The following POC1A variants were observed in gnomAD, a reference collection of about 807,000 sequenced individuals.
POC1A encodes POC1 centriolar protein homolog A.
Under a neutral mutation model 47.8 loss-of-function variants are expected in POC1A, and 34 were observed. The ratio of observed to expected loss-of-function variants is 0.71; its 90% CI spans 0.54 to 0.95. The LOEUF (loss-of-function observed/expected upper bound fraction) is 0.95. Among genes scored for constraint, POC1A ranks in the 40% least tolerant of loss-of-function variants. The pLI, the probability that POC1A is intolerant of heterozygous loss-of-function variation, is 0.00. For missense variants in POC1A, 466 were observed against 528.3 expected, an observed-to-expected ratio of 0.88 and a Z score of 1.16; for synonymous variants, 177 against 207.6, an observed-to-expected ratio of 0.85 and a Z score of 1.27.
intron 10 of POC1A, among the ~76,000 whole-genome samples, chr3:52,096,352 G>C (rs1441230835): frequency 1.3e-5 from 2 of 152,256 alleles, no homozygotes; most frequent in Non-Finnish European, 2.9e-5. Context: ...ACCCAGCATT[G>C]GGGATTTTGG....
chr3:52,106,021 C>T (rs1478550931), intron 9 of POC1A, among the ~76,000 whole-genome samples: 1 of 151,856 alleles, frequency 6.6e-6, no homozygotes, highest in African/African-American at 2.4e-5. Flanking sequence ...GGTGAAACCC[C>T]GTTTCTACTA....
At chr3:52,097,562 T>TA (rs1469122659) in intron 9 of POC1A, among the ~76,000 whole-genome samples, 2 of 152,208 alleles carry the variant, frequency 1.3e-5, no homozygotes, top group African/African-American at 2.4e-5. Flanking sequence ...GGGCTGGTCT[T>TA]AGAGCCTGCA....
intron 6 of POC1A, among the ~76,000 whole-genome samples, chr3:52,141,665 G>A (rs1185803170): frequency 6.6e-6 from 1 of 152,222 alleles, no homozygotes; most frequent in East Asian, 1.9e-4. Flanking sequence ...CCAGTACAGG[G>A]TACAGGCCTG....
chr3:52,083,601 C>G (rs1702368567), intron 10 of POC1A, among the ~76,000 whole-genome samples: 1 of 152,190 alleles, frequency 6.6e-6, no homozygotes, highest in African/African-American at 2.4e-5. Flanking sequence ...CTTAGCTTTT[C>G]TCCCAGTTCT....
At chr3:52,097,826 T>G (rs902124197) in intron 9 of POC1A, among the ~76,000 whole-genome samples, 1 of 152,250 alleles carries the variant, frequency 6.6e-6, no homozygotes, top group Non-Finnish European at 1.5e-5. Context: ...TGTCGGCCAC[T>G]TCCGTGGCCA....
intron 9 of POC1A, among the ~76,000 whole-genome samples, chr3:52,112,141 C>A (rs191442638): frequency 6.6e-6 from 1 of 152,188 alleles, no homozygotes; most frequent in African/African-American, 2.4e-5. Context: ...CGGGGCAGCA[C>A]TGGACTTTCT....
At chr3:52,115,633 C>T (rs9882775) in intron 9 of POC1A, among the ~76,000 whole-genome samples, 14,504 of 152,022 alleles carry the variant, frequency 0.095, 832 homozygotes, top group African/African-American at 0.14. Flanking sequence ...TGGGTGGAGC[C>T]ATCAGGTTTG....
intron 8 of POC1A, among the ~76,000 whole-genome samples, chr3:52,124,246 G>A (rs1703908950): frequency 6.6e-6 from 1 of 152,190 alleles, no homozygotes; most frequent in Non-Finnish European, 1.5e-5. Flanking sequence ...TGGTTCTCTG[G>A]ACAAGAGGAC....
Position 52,122,452 on chromosome 3 carries a change from T to A in POC1A, c.908A>T (p.Asp303Val). ...EQVMVWKSNF[D>V]IVDHGEVTKV... ...CGTGACTTCTCCATGATCAACAATA[T>A]CAAAGTTACTCTTCCAAACCATCAC... The change falls in exon 9 of 11, where the codon GAT becomes GTT. Residue 303 changes from aspartate (D) to valine (V), a missense_variant. Asp to Val is a radical substitution (Grantham distance 152). Coordinates refer to ENST00000296484, the MANE Select transcript of POC1A (RefSeq NM_015426.5). The A allele has an allele frequency of 6.2e-7, 1 of 1,611,628 alleles. No homozygotes were observed. Among genetic ancestry groups the A allele is most frequent in the Non-Finnish European group, 8.5e-7 (1 of 1,177,828 alleles).
chr3:52,132,194 G>A (rs1295872856), intron 7 of POC1A, among the ~76,000 whole-genome samples: 1 of 152,152 alleles, frequency 6.6e-6, no homozygotes, highest in Non-Finnish European at 1.5e-5. Flanking sequence ...GCAAAGTCAA[G>A]GTCTTGCCCA....
intron 6 of POC1A, among the ~76,000 whole-genome samples, chr3:52,142,557 G>T (rs1698232303): frequency 6.6e-6 from 1 of 152,126 alleles, no homozygotes; most frequent in African/African-American, 2.4e-5. Context: ...GGCAGGCTGG[G>T]GCTTGCTAGC....
chr3:52,101,547 T>G (rs898607547), intron 9 of POC1A, among the ~76,000 whole-genome samples: 16 of 152,230 alleles, frequency 1.1e-4, no homozygotes, highest in Middle Eastern at 3.4e-3. Flanking sequence ...AATGGAGAAT[T>G]TCAGCAGAAA....
chr3:52,149,385 C>T lies in POC1A; in HGVS notation c.280G>A (p.Gly94Ser). 6.2e-7 allele frequency: 1 copy of T among 1,613,718 alleles called. No individual in the cohort carries two copies. Among genetic ancestry groups the T allele is most frequent in the Non-Finnish European group, 8.5e-7 (1 of 1,179,690 alleles). Reference sequence around the variant, plus strand: ...TGTGCACGAAACACAGTGGACTCACCTTTGCTACAAGGACAGGCATCCAAG... The same window carrying T: ...TGTGCACGAAACACAGTGGACTCACTTTTGCTACAAGGACAGGCATCCAAG... ...TVRIWVPNVK[G>S]ESTVFRAHTA... The change falls in exon 4 of 11, where the codon GGT (glycine) becomes AGT (serine). Residue 94 changes from glycine (G) to serine (S), a missense_variant. Physicochemically the swap from Gly to Ser is moderately conservative, Grantham distance 56. Transcript: ENST00000296484.
At chr3:52,135,510 C>G (rs948009306) in intron 7 of POC1A, among the ~76,000 whole-genome samples, 1 of 152,284 alleles carries the variant, frequency 6.6e-6, no homozygotes, top group Admixed American at 6.5e-5. Flanking sequence ...CAGCCTCCCC[C>G]GAAAGTGCTG....
At chr3:52,082,386 G>A (rs1702327673) in intron 10 of POC1A, among the ~76,000 whole-genome samples, 1 of 152,170 alleles carries the variant, frequency 6.6e-6, no homozygotes, top group South Asian at 2.1e-4. Flanking sequence ...GAGATGCTGG[G>A]GACCAAAACC....
At chr3:52,106,197 A>G (rs964000867) in intron 9 of POC1A, among the ~76,000 whole-genome samples, 3 of 151,548 alleles carry the variant, frequency 2.0e-5, no homozygotes, top group East Asian at 1.9e-4. Context: ...AAAAAAAAAA[A>G]AAAAAGAAAG....
intron 9 of POC1A, among the ~76,000 whole-genome samples, chr3:52,097,354 C>G (rs1481348775): frequency 6.6e-6 from 1 of 152,204 alleles, no homozygotes; most frequent in Non-Finnish European, 1.5e-5. Flanking sequence ...AATCAGACTC[C>G]ACAGGAAAGG....
rs771350830 is a variant in POC1A at position 52,125,096 on chromosome 3, G to A, written c.882+17C>T. On this transcript the variant is annotated intron_variant, in intron 8 of 10. Coordinates refer to ENST00000296484, the MANE Select transcript of POC1A (RefSeq NM_015426.5). The stretch of plus-strand genomic sequence containing the variant: ...GATTCCCTTCTTCACCATTCCATTC[G>A]ACTACTCTTTACTTACTTGTTCATC... The A allele has an allele frequency of 9.5e-6, 15 of 1,579,228 alleles. No homozygotes were observed. In the Admixed American group the frequency reaches 1.7e-4, roughly 18 times the overall value.
Position 52,114,019 on chromosome 3 carries a change from CG to C in POC1A, c.981+8359del, listed in dbSNP as rs568790585. On this transcript the variant is annotated intron_variant, in intron 9 of 10. Transcript: ENST00000296484. ...GCAATGCAGAATGCTGGGGAGAAAT[CG>C]GGGTGCAGAGAATTGAGACAACCTG... 2.0e-5 allele frequency among the ~76,000 whole-genome samples: 3 copies of C among 152,294 alleles called. No homozygotes were observed. The South Asian group carries it at 6.2e-4, about 32-fold the overall frequency.
Sources: gnomAD v4.1 joint callset for allele counts (sites outside exome capture counted in the v4.1 genomes callset) on GRCh38, gnomAD v4.1.1 for gene constraint, MANE v1.5 for transcripts, NCBI Gene and HGNC (gene_info 2026-07-23, HGNC 2026-07-21) for gene names.